Variants in COL5A2 observed in about 807,000 individuals in gnomAD.
COL5A2 encodes collagen alpha-2(V) chain.
COL5A2 carries 23 observed loss-of-function variants against 208.2 expected under a neutral mutation model. The observed-to-expected ratio is 0.11, with a 90% CI of 0.08 to 0.16. The LOEUF is 0.16. COL5A2 is among the 10% of genes least tolerant of loss of function. The pLI is 1.00. For synonymous variants in COL5A2, 625 were observed against 628.5 expected, an observed-to-expected ratio of 0.99 and a Z score of 0.08; for missense variants, 1,590 against 1,956.4, an observed-to-expected ratio of 0.81 and a Z score of 3.53.
chr2:189,085,585 A>G (rs933837662), intron 10 of COL5A2, 134 bp downstream of exon 10: 2 of 732,698 alleles, frequency 2.7e-6, no homozygotes, highest in Non-Finnish European at 4.9e-6. Context: ...AGTTCATAGA[A>G]CAGGACTCCC....
the COL5A2 span, among the ~76,000 whole-genome samples, chr2:189,265,467 G>T: frequency 6.6e-6 from 1 of 152,048 alleles, no homozygotes; most frequent in Admixed American, 6.6e-5. Flanking sequence ...CTCCATGTGT[G>T]TTCTGTATTC....
At chr2:189,111,101 A>T (rs1426294639) in intron 1 of COL5A2, among the ~76,000 whole-genome samples, 3 of 152,212 alleles carry the variant, frequency 2.0e-5, no homozygotes, top group Non-Finnish European at 2.9e-5. Flanking sequence ...TGAGTGAATT[A>T]TGTTTGCATC....
Position 189,081,012 on chromosome 2 carries a change from A to T in COL5A2, c.884T>A (p.Leu295His). 6.2e-7 allele frequency: 1 copy of T among 1,613,612 alleles called. No homozygotes were observed. The highest frequency in any genetic ancestry group is 1.1e-5 in the South Asian group (1 of 91,088). The change falls in exon 13 of 54, where the codon CTT (leucine) becomes CAT (histidine). Residue 295 changes from leucine to histidine, a missense_variant. By Grantham distance (99) the Leu-to-His change is moderately conservative. Coordinates refer to ENST00000374866, the MANE Select transcript of COL5A2 (RefSeq NM_000393.5). The part of the protein sequence containing the change: ...GARGFPGAPG[L>H]PGLKGHRGHK... ...TACTCGGTGACCCTTCAGACCTGGAAGACCAGGAGCCCCAGGAAATCCACG... is the reference window on the plus strand; with the variant it reads ...TACTCGGTGACCCTTCAGACCTGGATGACCAGGAGCCCCAGGAAATCCACG...
At chr2:189,275,881 T>G in the COL5A2 span, among the ~76,000 whole-genome samples, 1 of 152,204 alleles carries the variant, frequency 6.6e-6, no homozygotes, top group Non-Finnish European at 1.5e-5. Context: ...TTTTGATTTT[T>G]AAACCTTCCT....
the COL5A2 span, among the ~76,000 whole-genome samples, chr2:189,414,118 A>G: frequency 6.6e-6 from 1 of 152,050 alleles, no homozygotes; most frequent in African/African-American, 2.4e-5. Context: ...ATTGGATGCT[A>G]TATTGATTTA....
chr2:189,171,182 G>A (rs1011607478), intron 1 of COL5A2, among the ~76,000 whole-genome samples: 7 of 152,106 alleles, frequency 4.6e-5, no homozygotes, highest in African/African-American at 1.7e-4. Context: ...TTTTGAGGCT[G>A]AGAATGACAG....
At chr2:189,179,917 C>G (rs371749273), upstream of COL5A2, 5 of 549,828 alleles carry the variant, frequency 9.1e-6, no homozygotes, top group Non-Finnish European at 1.6e-5. Context: ...ACACGCGTCT[C>G]TGTGCCTGAA....
the COL5A2 span, among the ~76,000 whole-genome samples, chr2:189,253,081 GT>G: frequency 6.6e-6 from 1 of 152,206 alleles, no homozygotes; most frequent in Non-Finnish European, 1.5e-5. Context: ...TTGAAGAGAT[GT>G]CTGGTGGCAT....
intron 31 of COL5A2, among the ~76,000 whole-genome samples, chr2:189,060,112 A>G (rs747964937): frequency 2.0e-5 from 3 of 152,118 alleles, no homozygotes; most frequent in Non-Finnish European, 4.4e-5. Flanking sequence ...CATAAAAGAT[A>G]TTACTTTGTC....
At chr2:189,111,560 A>G (rs954550384) in intron 1 of COL5A2, among the ~76,000 whole-genome samples, 3 of 143,746 alleles carry the variant, frequency 2.1e-5, no homozygotes, top group Non-Finnish European at 4.6e-5. Context: ...CTCCCCGCGA[A>G]ATTCTTTTCT....
chr2:189,267,792 T>C, the COL5A2 span, among the ~76,000 whole-genome samples: 24 of 152,258 alleles, frequency 1.6e-4, no homozygotes, highest in African/African-American at 5.8e-4. Context: ...ACATAAATGG[T>C]TTACTAAAAG....
chr2:189,110,578 G>A, intron 1 of COL5A2, 129 bp from the exon 2 acceptor site: 1 of 718,870 alleles, frequency 1.4e-6, no homozygotes, highest in Non-Finnish European at 2.4e-6. Context: ...GCCAAACACA[G>A]ATGAACTGAT....
intron 1 of COL5A2, among the ~76,000 whole-genome samples, chr2:189,211,437 T>C (rs960526496): frequency 2.0e-5 from 3 of 152,190 alleles, no homozygotes; most frequent in African/African-American, 7.2e-5. Context: ...AATTAGATGA[T>C]AAGTACTGCA....
chr2:189,033,809 A>T lies in COL5A2; in HGVS notation c.*261T>A. 1.9e-6 allele frequency: 1 copy of T among 513,872 alleles called. No homozygotes were observed. The highest frequency in any genetic ancestry group is 3.5e-6 in the Non-Finnish European group (1 of 285,440). The allele number at this position is 513,872 out of a possible 1,614,324, so 31.8% of individuals were successfully genotyped here. ...TATTCAATCAGTTTACTTTCTGCAA[A>T]GGTGGTCATTGTCATTGGTCATCTT... On this transcript the variant is annotated 3_prime_UTR_variant, in exon 54 of 54. Transcript: ENST00000374866.
Position 189,068,258 on chromosome 2 carries a change from T to A in COL5A2, c.1270A>T (p.Thr424Ser). Reference protein sequence around the residue: ...GSPGLPGAIGTDGTPGAKGPT... With the variant: ...GSPGLPGAIGSDGTPGAKGPT... ...CCTTTGGCACCAGGAGTACCATCAGTTCCTATTGCACCCTAAAAGGTACAT... is the reference window on the plus strand; with the variant it reads ...CCTTTGGCACCAGGAGTACCATCAGATCCTATTGCACCCTAAAAGGTACAT... Residue 424 changes from threonine to serine, a missense_variant, in exon 20 of 54, where the codon ACT (threonine) becomes TCT (serine). Physicochemically the swap from Thr to Ser is moderately conservative, Grantham distance 58. Coordinates refer to ENST00000374866, the MANE Select transcript of COL5A2 (RefSeq NM_000393.5). 1 of 1,613,314 alleles carries A rather than the reference T, an allele frequency of 6.2e-7. No homozygotes were observed. The highest frequency in any genetic ancestry group is 8.5e-7 in the Non-Finnish European group (1 of 1,179,300).
the COL5A2 span, among the ~76,000 whole-genome samples, chr2:189,319,804 T>A: frequency 6.6e-6 from 1 of 152,186 alleles, no homozygotes; most frequent in Non-Finnish European, 1.5e-5. Flanking sequence ...TCTGACAGCC[T>A]TGAAGAGAGT....
chr2:189,401,168 C>A, the COL5A2 span, among the ~76,000 whole-genome samples: 1 of 152,108 alleles, frequency 6.6e-6, no homozygotes. Context: ...GATATTAAGC[C>A]CAGCATCCAT....
At chr2:189,133,323 G>T (rs1286574338) in intron 1 of COL5A2, among the ~76,000 whole-genome samples, 5 of 151,438 alleles carry the variant, frequency 3.3e-5, no homozygotes. Context: ...GTTTCACCAT[G>T]TTGGCCAGGA....
intron 1 of COL5A2, among the ~76,000 whole-genome samples, chr2:189,117,964 T>C (rs1687427914): frequency 6.6e-6 from 1 of 152,148 alleles, no homozygotes; most frequent in Non-Finnish European, 1.5e-5. Flanking sequence ...AGTTGTTTGC[T>C]TAAGAAGCTT....
Sources: gnomAD v4.1 joint callset for allele counts (sites outside exome capture counted in the v4.1 genomes callset) on GRCh38, gnomAD v4.1.1 for gene constraint, MANE v1.5 for transcripts, NCBI Gene and HGNC (gene_info 2026-07-23, HGNC 2026-07-21) for gene names.